Variants in XIRP2 observed in about 807,000 individuals in gnomAD.
XIRP2 encodes xin actin binding repeat containing 2, also known as xin actin-binding repeat-containing protein 2.
In XIRP2, 236 loss-of-function variants were observed where a neutral mutation model predicts 277.0. The ratio of observed to expected loss-of-function variants is 0.85; its 90% CI spans 0.77 to 0.95. The LOEUF (loss-of-function observed/expected upper bound fraction) is 0.95, where lower values mean the gene tolerates loss of function less well. Ranked by LOEUF, XIRP2 falls within the 40% of genes least tolerant of loss-of-function variation. The probability of loss-of-function intolerance (pLI) is 0.00; values close to 1 mark genes in which losing one functional copy is unlikely to be tolerated. For synonymous variants in XIRP2, 1,490 were observed against 1,416.5 expected (o/e 1.05, Z -1.17); for missense variants, 4,640 against 4,157.5 (o/e 1.12, Z -3.19).
chr2:167,247,350 A>C lies in XIRP2; in HGVS notation c.5958A>C (p.Pro1986=), dbSNP rs758715907. ...LLQPKPGPFE[P]AAKWQGGADT... ...AGCCAAAGCCAGGTCCATTTGAGCC[A>C]GCGGCCAAGTGGCAAGGGGGAGCAG... The change falls in exon 9 of 11, where the codon CCA becomes CCC. Residue 1986 remains proline, a synonymous_variant. Transcript: ENST00000409195. 3.7e-6 allele frequency: 6 copies of C among 1,613,620 alleles called. No homozygotes were observed. The highest frequency in any genetic ancestry group is 5.1e-6 in the Non-Finnish European group (6 of 1,179,780).
chr2:166,950,419 TTAGAG>T (rs1239873132), intron 2 of XIRP2, among the ~76,000 whole-genome samples: 2 of 151,880 alleles, frequency 1.3e-5, no homozygotes, highest in African/African-American at 4.8e-5. Flanking sequence ...CAAGGAAAAA[TTAGAG>T]TAGAGTTGTT....
At chr2:167,043,500 A>G (rs1478068079) in intron 2 of XIRP2, among the ~76,000 whole-genome samples, 1 of 152,130 alleles carries the variant, frequency 6.6e-6, no homozygotes. Flanking sequence ...TTCAGAAATG[A>G]CAAAAGTGAC....
intron 2 of XIRP2, among the ~76,000 whole-genome samples, chr2:167,113,472 C>T (rs1401998330): frequency 6.6e-6 from 1 of 152,014 alleles, no homozygotes; most frequent in Non-Finnish European, 1.5e-5. Context: ...GTAACCCCTG[C>T]TTTTTTGTTT....
chr2:167,101,928 G>A (rs1026585725), intron 2 of XIRP2, among the ~76,000 whole-genome samples: 2 of 152,212 alleles, frequency 1.3e-5, no homozygotes, highest in Admixed American at 1.3e-4. Context: ...CTTCCATAAT[G>A]TGGCACCTCT....
rs550681431 is a variant in XIRP2, at chr2:167,248,398, G to C, written c.7006G>C (p.Ala2336Pro). 4 of 1,613,518 alleles carry C rather than the reference G, an allele frequency of 2.5e-6. No homozygotes were observed. Among genetic ancestry groups the C allele is most frequent in the Non-Finnish European group, 3.4e-6 (4 of 1,179,808 alleles). ...CTCACTGTCCACAGAGAAGATAAAGGCTGAATTTGAAAGTTTTCCAGGCCT... is the reference window on the plus strand; with the variant it reads ...CTCACTGTCCACAGAGAAGATAAAGCCTGAATTTGAAAGTTTTCCAGGCCT... ...LPSLSTEKIK[A>P]EFESFPGLPL... Residue 2336 changes from alanine (A) to proline (P), a missense_variant, in exon 9 of 11, where the codon GCT becomes CCT. Transcript: ENST00000409195.
chr2:166,935,416 G>A (rs183243417), intron 2 of XIRP2, among the ~76,000 whole-genome samples: 35 of 152,080 alleles, frequency 2.3e-4, no homozygotes, highest in Non-Finnish European at 2.9e-5. Flanking sequence ...ATTTGTTTTT[G>A]TTTTTGTTTT....
intron 2 of XIRP2, among the ~76,000 whole-genome samples, chr2:166,971,089 A>G (rs1223174085): frequency 1.3e-5 from 2 of 151,990 alleles, no homozygotes; most frequent in African/African-American, 4.8e-5. Flanking sequence ...GTCTATTGAG[A>G]TTATTTTTTT....
At chr2:167,024,454 C>G (rs1688090355) in intron 2 of XIRP2, among the ~76,000 whole-genome samples, 1 of 152,054 alleles carries the variant, frequency 6.6e-6, no homozygotes, top group African/African-American at 2.4e-5. Context: ...TTTCCTTCTC[C>G]TGCCTAACTG....
chr2:167,056,659 G>T (rs1362976265), intron 2 of XIRP2, among the ~76,000 whole-genome samples: 3 of 151,956 alleles, frequency 2.0e-5, no homozygotes, highest in Non-Finnish European at 4.4e-5. Flanking sequence ...TAGTTTCCTT[G>T]GTTATAAAAT....
intron 2 of XIRP2, among the ~76,000 whole-genome samples, chr2:167,069,409 A>G (rs893715270): frequency 6.6e-6 from 1 of 152,180 alleles, no homozygotes; most frequent in Non-Finnish European, 1.5e-5. Flanking sequence ...GCTCTGCTTT[A>G]AGCATGACCC....
intron 2 of XIRP2, among the ~76,000 whole-genome samples, chr2:166,961,940 C>A (rs1242212832): frequency 6.6e-6 from 1 of 151,424 alleles, no homozygotes; most frequent in East Asian, 2.0e-4. Flanking sequence ...ATTAAGCATA[C>A]CTCTGGGAAT....
intron 10 of XIRP2, among the ~76,000 whole-genome samples, 169 bp from the exon 11 acceptor site, chr2:167,257,688 A>C (rs1326395144): frequency 6.6e-6 from 1 of 152,042 alleles, no homozygotes; most frequent in African/African-American, 2.4e-5. Context: ...TACATCATAT[A>C]AAGTATTGGT....
chr2:167,233,378 G>A (rs1346489154), intron 5 of XIRP2, among the ~76,000 whole-genome samples: 2 of 151,868 alleles, frequency 1.3e-5, no homozygotes, highest in African/African-American at 4.8e-5. Context: ...AGATGAATAG[G>A]TATGTCTTTA....
intron 10 of XIRP2, 65 bp downstream of exon 10, chr2:167,254,230 T>C: frequency 7.0e-7 from 1 of 1,428,726 alleles, no homozygotes; most frequent in Non-Finnish European, 9.3e-7. Context: ...TAGCCTCATA[T>C]CTCTAGGAGG....
At chr2:167,102,333 C>T (rs892968996) in intron 2 of XIRP2, among the ~76,000 whole-genome samples, 2 of 152,186 alleles carry the variant, frequency 1.3e-5, no homozygotes, top group African/African-American at 4.8e-5. Context: ...ATGGCTTTCA[C>T]CCCTTATCCT....
rs1456344951 is a variant in XIRP2, at chr2:167,259,455, G to C, written c.*1638G>C. On this transcript the variant is annotated 3_prime_UTR_variant, in exon 11 of 11. Transcript: ENST00000409195. ...TTATGAATTTGGATACCCTTTTGAGGAACTTGATGTAAACATGGTGTTCAG... is the reference window on the plus strand; with the variant it reads ...TTATGAATTTGGATACCCTTTTGAGCAACTTGATGTAAACATGGTGTTCAG... The C allele has an allele frequency of 2.4e-6, 3 of 1,271,720 alleles. No individual in the cohort carries two copies. In the Admixed American group the frequency reaches 8.8e-5, roughly 37 times the overall value. 78.8% of individuals were successfully genotyped at this position (1,271,720 alleles called of 1,614,324 possible).
intron 2 of XIRP2, among the ~76,000 whole-genome samples, chr2:167,015,345 T>C (rs1282482140): frequency 6.6e-6 from 1 of 151,892 alleles, no homozygotes; most frequent in African/African-American, 2.4e-5. Flanking sequence ...GTCAGCCTTT[T>C]CTTTGTATCA....
At chr2:167,186,979 C>T (rs1241415568) in intron 3 of XIRP2, among the ~76,000 whole-genome samples, 1 of 152,110 alleles carries the variant, frequency 6.6e-6, no homozygotes, top group African/African-American at 2.4e-5. Flanking sequence ...TTAATTATTG[C>T]ACCAGAATAA....
At position 167,243,159 on chromosome 2, in the gene XIRP2, C is replaced by T. The variant is rs1695126055; in HGVS notation, c.1767C>T (p.Ile589=). The part of the protein sequence containing the change: ...WIFENQPLDS[I]NNGSPDEGDI... ...TTGAGAATCAACCATTGGATTCCAT[C>T]AACAATGGCTCTCCTGATGAAGGTG... is the stretch of plus-strand genomic sequence containing the variant. The change falls in exon 9 of 11, where the codon ATC becomes ATT. Residue 589 remains isoleucine, a synonymous_variant. Coordinates refer to ENST00000409195, the MANE Select transcript of XIRP2 (RefSeq NM_152381.6). 1 of 1,614,010 alleles carries T rather than the reference C, an allele frequency of 6.2e-7. No individual in the cohort carries two copies. The highest frequency in any genetic ancestry group is 8.5e-7 in the Non-Finnish European group (1 of 1,179,984).
Sources: gnomAD v4.1 joint callset for allele counts (sites outside exome capture counted in the v4.1 genomes callset) on GRCh38, gnomAD v4.1.1 for gene constraint, MANE v1.5 for transcripts, NCBI Gene and HGNC (gene_info 2026-07-23, HGNC 2026-07-21) for gene names.